JAKMIP1: variants seen among roughly 807,000 people sequenced by gnomAD.
The protein encoded by JAKMIP1 is janus kinase and microtubule interacting protein 1, also known as janus kinase and microtubule-interacting protein 1.
JAKMIP1 carries 33 observed loss-of-function variants against 113.0 expected under a neutral mutation model. The ratio of observed to expected loss-of-function variants is 0.29; its 90% CI spans 0.22 to 0.39. JAKMIP1 has a LOEUF of 0.39. JAKMIP1 is among the 10% of genes least tolerant of loss of function. The pLI is 1.00. For missense variants in JAKMIP1, 813 were observed against 1,080.5 expected (o/e 0.75, Z 3.47); for synonymous variants, 480 against 459.9 (o/e 1.04, Z -0.56).
chr4:6,195,677 C>A (rs112943242), intron 1 of JAKMIP1, among the ~76,000 whole-genome samples: 1 of 152,194 alleles, frequency 6.6e-6, no homozygotes, highest in African/African-American at 2.4e-5. Context: ...AGCTTCAGAG[C>A]CCCTCTATGC....
rs182844583 is a variant in JAKMIP1 at position 6,033,599 on chromosome 4, G to A, written c.2379+2305C>T. On this transcript the variant is annotated intron_variant, in intron 19 of 20. Transcript: ENST00000409021. Reference sequence around the variant, plus strand: ...TACAGACAAGAAAATTGAGGCTCACGGAGGTGAACTAACTTGCCTCAGGTC... The same window carrying A: ...TACAGACAAGAAAATTGAGGCTCACAGAGGTGAACTAACTTGCCTCAGGTC... Among the ~76,000 whole-genome samples, 556 of 152,254 alleles carry A rather than the reference G, an allele frequency of 3.7e-3. 3 individuals carry two copies. Among genetic ancestry groups the A allele is most frequent in the African/African-American group, 0.013 (532 of 41,536 alleles).
intron 1 of JAKMIP1, among the ~76,000 whole-genome samples, chr4:6,166,915 C>G (rs1228523680): frequency 3.9e-5 from 6 of 152,068 alleles, no homozygotes; most frequent in African/African-American, 1.2e-4. Context: ...CTCTTCACCC[C>G]CAACTTCCCC....
In JAKMIP1 at chr4:6,060,805, G is replaced by A. The variant is rs143611730; in HGVS notation, c.1561-298C>T. 1.6e-3 allele frequency among the ~76,000 whole-genome samples: 238 copies of A among 152,348 alleles called. 2 individuals carry two copies. The East Asian group carries it at 0.026, about 17-fold the overall frequency. On this transcript the variant is annotated intron_variant, in intron 10 of 20. Transcript: ENST00000409021. ...GGGACCCTGTTTTTGAAGGGGGTGAGTGAGCCAGAAGCCAGCCACACTGGG... is the reference window on the plus strand; with the variant it reads ...GGGACCCTGTTTTTGAAGGGGGTGAATGAGCCAGAAGCCAGCCACACTGGG...
chr4:6,036,977 A>AC (rs1249851675), intron 18 of JAKMIP1, among the ~76,000 whole-genome samples: 2,055 of 115,368 alleles, frequency 0.018, 10 homozygotes, highest in African/African-American at 0.035. Flanking sequence ...GCAGAGGCTA[A>AC]CCAGTATCCC....
At chr4:6,149,740 C>A (rs1379734759) in intron 1 of JAKMIP1, among the ~76,000 whole-genome samples, 1 of 152,150 alleles carries the variant, frequency 6.6e-6, no homozygotes, top group Non-Finnish European at 1.5e-5. Context: ...CCTCTTGACC[C>A]CCCACCAGCA....
chr4:6,151,262 A>C (rs1383298352), intron 1 of JAKMIP1, among the ~76,000 whole-genome samples: 1 of 152,200 alleles, frequency 6.6e-6, no homozygotes, highest in Non-Finnish European at 1.5e-5. Flanking sequence ...TTCTGTAATT[A>C]TTCCCACTTT....
Position 6,078,945 on chromosome 4 carries a change from C to T in JAKMIP1, c.1296G>A (p.Pro432=), listed in dbSNP as rs766668456. ...TGCACCATCGCAGGCTCACCTTGGG[C>T]GGTTTCAGACTTTTCCCTCGATGCC... ...SKRHRGKSLK[P]PKKHVVETFF... is the part of the protein sequence containing the mutation. The change falls in exon 8 of 21, where the codon CCG becomes CCA. Residue 432 remains proline (P), a synonymous_variant. Coordinates refer to ENST00000409021, the MANE Select transcript of JAKMIP1 (RefSeq NM_001099433.2). The T allele has an allele frequency of 2.5e-5, 41 of 1,614,024 alleles. No homozygotes were observed. Among genetic ancestry groups the T allele is most frequent in the Admixed American group, 1.7e-4 (10 of 60,000 alleles).
Position 6,138,746 on chromosome 4 carries a change from C to T in JAKMIP1, c.-147-25749G>A, listed in dbSNP as rs1356867858. On this transcript the variant is annotated intron_variant, in intron 1 of 20. Transcript: ENST00000409021. This position sits in a 1 kb window ranked among gnomAD's most constrained non-coding sequence, Gnocchi z 6.0. Reference sequence around the variant, plus strand: ...GTCTCAGAATGGGTACGAATCTTGACTCTACCACTTGTTAGCTGTTTGTCC... The same window carrying T: ...GTCTCAGAATGGGTACGAATCTTGATTCTACCACTTGTTAGCTGTTTGTCC... 6.6e-6 allele frequency among the ~76,000 whole-genome samples: 1 copy of T among 152,130 alleles called. No homozygotes were observed. The highest frequency in any genetic ancestry group is 1.5e-5 in the Non-Finnish European group (1 of 68,052).
intron 5 of JAKMIP1, among the ~76,000 whole-genome samples, chr4:6,082,496 G>T (rs1720725865): frequency 6.6e-6 from 1 of 151,494 alleles, no homozygotes; most frequent in South Asian, 2.1e-4. Flanking sequence ...GAGACAGAAG[G>T]TAGGTAAAAT....
At chr4:6,119,165 G>A (rs1042024918) in intron 1 of JAKMIP1, among the ~76,000 whole-genome samples, 6 of 152,196 alleles carry the variant, frequency 3.9e-5, no homozygotes, top group African/African-American at 1.4e-4. Context: ...CTAGAACTGC[G>A]AGAGTAAATT....
At chr4:6,036,287 T>A (rs1713425348) in intron 18 of JAKMIP1, among the ~76,000 whole-genome samples, 180 bp from the exon 19 acceptor site, 1 of 152,172 alleles carries the variant, frequency 6.6e-6, no homozygotes, top group South Asian at 2.1e-4. Flanking sequence ...AGGGAGCAAC[T>A]CGGCCCCGCA....
In JAKMIP1 at chr4:6,143,521, C is replaced by CCCACCTGG. The variant is rs1267888387; in HGVS notation, c.-147-30532_-147-30525dup. Reference sequence around the variant, plus strand: ...CAGGCCTGCTGGATCCGGCCTGGGTCCCACCTGGCCTCTTTCAGTTATGCC... The same window carrying CCCACCTGG: ...CAGGCCTGCTGGATCCGGCCTGGGTCCCACCTGGCCACCTGGCCTCTTTCAGTTATGCC... On this transcript the variant is annotated intron_variant, in intron 1 of 20. Transcript: ENST00000409021. This position sits in a 1 kb window ranked among gnomAD's most constrained non-coding sequence, Gnocchi z 4.9. 5.9e-5 allele frequency among the ~76,000 whole-genome samples: 9 copies of CCCACCTGG among 152,208 alleles called. No individual in the cohort carries two copies. Among genetic ancestry groups the CCCACCTGG allele is most frequent in the African/African-American group, 2.2e-4 (9 of 41,468 alleles).
chr4:6,032,063 C>A (rs772478454), intron 19 of JAKMIP1, among the ~76,000 whole-genome samples: 1 of 152,154 alleles, frequency 6.6e-6, no homozygotes. Flanking sequence ...GGCCTGAACC[C>A]GGCTTGAATT....
chr4:6,095,429 C>T (rs1401530131), intron 3 of JAKMIP1, among the ~76,000 whole-genome samples: 1 of 152,018 alleles, frequency 6.6e-6, no homozygotes, highest in Non-Finnish European at 1.5e-5. Flanking sequence ...AACAGAAAGC[C>T]CCCATGATGT....
In JAKMIP1 at chr4:6,187,870, T is replaced by TC. The variant is rs1428572243; in HGVS notation, c.-148+12382dup. Reference sequence around the variant, plus strand: ...TATTGATATAGTTGGACTTATGTCTTCCATTTTATTTTGTTTTCAATATGC... The same window carrying TC: ...TATTGATATAGTTGGACTTATGTCTTCCCATTTTATTTTGTTTTCAATATGC... On this transcript the variant is annotated intron_variant, in intron 1 of 20. Transcript: ENST00000409021. This position sits in a 1 kb window ranked among gnomAD's most constrained non-coding sequence, Gnocchi z 4.2. Among the ~76,000 whole-genome samples, 1 of 152,232 alleles carries TC rather than the reference T, an allele frequency of 6.6e-6. No individual in the cohort carries two copies. Among genetic ancestry groups the TC allele is most frequent in the African/African-American group, 2.4e-5 (1 of 41,460 alleles).
In JAKMIP1 at chr4:6,078,929, G is replaced by A. The variant is rs202225279; in HGVS notation, c.1302+10C>T. 227 of 1,614,008 alleles carry A rather than the reference G, an allele frequency of 1.4e-4. No homozygotes were observed. The highest frequency in any genetic ancestry group is 1.3e-3 in the Middle Eastern group (8 of 6,060). On this transcript the variant is annotated intron_variant, in intron 8 of 20. Coordinates refer to ENST00000409021, the MANE Select transcript of JAKMIP1 (RefSeq NM_001099433.2). ...GGCAAGGTAGGGCAGGTGCACCATC[G>A]CAGGCTCACCTTGGGCGGTTTCAGA...
chr4:6,093,130 T>C lies in JAKMIP1; in HGVS notation c.625-7501A>G, dbSNP rs751496493. On this transcript the variant is annotated intron_variant, in intron 3 of 20. Transcript: ENST00000409021. This position sits in a 1 kb window ranked among gnomAD's most constrained non-coding sequence, Gnocchi z 4.6. ...CATAGGATCACCTAACAAACTCCTA[T>C]GCATCCTTCAAAACCCAGCTCACAC... Among the ~76,000 whole-genome samples the C allele has an allele frequency of 8.5e-5, 13 of 152,142 alleles. No homozygotes were observed. Among genetic ancestry groups the C allele is most frequent in the Non-Finnish European group, 1.6e-4 (11 of 68,002 alleles).
Position 6,192,642 on chromosome 4 carries a change from G to A in JAKMIP1, c.-148+7611C>T, listed in dbSNP as rs1162721899. Among the ~76,000 whole-genome samples, 1 of 152,222 alleles carries A rather than the reference G, an allele frequency of 6.6e-6. No individual in the cohort carries two copies. Among genetic ancestry groups the A allele is most frequent in the Non-Finnish European group, 1.5e-5 (1 of 68,044 alleles). The stretch of plus-strand genomic sequence containing the variant: ...GAGTTCGGAAATTAAGTCAATAGCA[G>A]TGATTACTTATTGCACACCTGCTCT... On this transcript the variant is annotated intron_variant, in intron 1 of 20. Transcript: ENST00000409021. The surrounding 1 kb of genome is among the most constrained non-coding windows in gnomAD (Gnocchi z 5.0).
chr4:6,110,293 GAC>G (rs1053370476), intron 2 of JAKMIP1, among the ~76,000 whole-genome samples: 20 of 152,216 alleles, frequency 1.3e-4, no homozygotes, highest in African/African-American at 4.6e-4. Flanking sequence ...GCCATGTGAA[GAC>G]ACAGGGAGAA....
Sources: allele counts gnomAD v4.1 joint callset (sites outside exome capture counted in the v4.1 genomes callset), GRCh38; gene constraint gnomAD v4.1.1; non-coding constraint Gnocchi (gnomAD v3.1); transcripts MANE v1.5; gene names NCBI Gene and HGNC (gene_info 2026-07-23, HGNC 2026-07-21).